Variants in PTPRD observed in about 807,000 individuals in gnomAD.
The protein encoded by PTPRD is receptor-type tyrosine-protein phosphatase delta.
A neutral mutation model predicts 214.5 loss-of-function variants in PTPRD; 34 were observed. The observed-to-expected ratio is 0.16, with a 90% CI of 0.12 to 0.21. The LOEUF (loss-of-function observed/expected upper bound fraction) is 0.21, where lower values mean the gene tolerates loss of function less well. PTPRD is among the 10% of genes least tolerant of loss of function. The pLI, the probability that PTPRD is intolerant of heterozygous loss-of-function variation, is 1.00. For missense variants in PTPRD, 2,545 were observed against 2,398.7 expected (o/e 1.06, Z -1.27); for synonymous variants, 1,128 against 845.7 (o/e 1.33, Z -5.79).
chr9:10,335,178 C>T (rs1206500642), intron 3 of PTPRD, among the ~76,000 whole-genome samples: 3 of 151,606 alleles, frequency 2.0e-5, no homozygotes, highest in Non-Finnish European at 1.5e-5. Flanking sequence ...ACTACCTGAC[C>T]TCAAGACTTA....
At chr9:10,069,820 T>C (rs2097961804) in intron 3 of PTPRD, among the ~76,000 whole-genome samples, 1 of 152,046 alleles carries the variant, frequency 6.6e-6, no homozygotes. Flanking sequence ...TGTTGACATG[T>C]TTCTGTATCT....
chr9:9,864,432 G>C (rs1048061303), intron 5 of PTPRD, among the ~76,000 whole-genome samples: 2 of 152,128 alleles, frequency 1.3e-5, no homozygotes, highest in Non-Finnish European at 2.9e-5. Context: ...GTGTGACATA[G>C]ATTCCGTGGT....
intron 43 of PTPRD, among the ~76,000 whole-genome samples, chr9:8,337,198 C>G (rs972748787): frequency 1.3e-5 from 2 of 152,116 alleles, no homozygotes; most frequent in Non-Finnish European, 2.9e-5. Context: ...GTAACCAACC[C>G]AAATGTCCAT....
At chr9:8,797,472 C>T (rs2096462937) in intron 11 of PTPRD, among the ~76,000 whole-genome samples, 1 of 152,154 alleles carries the variant, frequency 6.6e-6, no homozygotes, top group African/African-American at 2.4e-5. Flanking sequence ...GATGTCTAAG[C>T]GATATATGAT....
At chr9:8,797,869 A>ATTT (rs35912143) in intron 11 of PTPRD, among the ~76,000 whole-genome samples, 45 of 147,046 alleles carry the variant, frequency 3.1e-4, no homozygotes, top group East Asian at 8.0e-4. Context: ...ATTTAACAGA[A>ATTT]TTTTTTTTTT....
chr9:9,682,950 G>A (rs770765118), intron 7 of PTPRD, among the ~76,000 whole-genome samples: 4 of 151,702 alleles, frequency 2.6e-5, no homozygotes. Context: ...TTTAACTGAT[G>A]AACAAGATAT....
At chr9:10,060,413 G>T (rs1778516) in intron 3 of PTPRD, among the ~76,000 whole-genome samples, 25,097 of 151,914 alleles carry the variant, frequency 0.17, 4,656 homozygotes, top group African/African-American at 0.46. Context: ...CCTACTCAAA[G>T]TGTCATTACT....
intron 3 of PTPRD, among the ~76,000 whole-genome samples, chr9:10,263,629 A>T (rs1322007999): frequency 1.3e-5 from 2 of 152,186 alleles, no homozygotes; most frequent in East Asian, 3.9e-4. Context: ...AGTGTTCAAG[A>T]GGAAGCAAAA....
chr9:8,383,877 A>C (rs556105720), intron 37 of PTPRD, among the ~76,000 whole-genome samples: 3 of 152,218 alleles, frequency 2.0e-5, no homozygotes, highest in Non-Finnish European at 4.4e-5. Context: ...AGTAAAAGTC[A>C]GATATATTCT....
intron 4 of PTPRD, among the ~76,000 whole-genome samples, chr9:10,009,695 A>T (rs2096557641): frequency 9.4e-6 from 1 of 105,938 alleles, no homozygotes; most frequent in South Asian, 3.4e-4. Flanking sequence ...TGGAAAGGGA[A>T]GGGGATTTAC....
At chr9:8,598,997 G>T (rs2094637467) in intron 14 of PTPRD, among the ~76,000 whole-genome samples, 1 of 152,158 alleles carries the variant, frequency 6.6e-6, no homozygotes, top group Non-Finnish European at 1.5e-5. Context: ...ATCTCACCTT[G>T]AATTGTAGCT....
chr9:8,331,728 C>A lies in PTPRD; in HGVS notation c.5388G>T (p.Gln1796His). The A allele has an allele frequency of 1.9e-6, 3 of 1,594,154 alleles. No individual in the cohort carries two copies. The highest frequency in any genetic ancestry group is 2.3e-5 in the East Asian group (1 of 44,246). ...ACTGGAACTGCCTTACTGTTCGGGA[C>A]TGGCCGTCCTTTAGAAGGAAAGCCA... ...EFKVTDARDG[Q>H]SRTVRQFQFT... is the part of the protein sequence containing the mutation. The change falls in exon 44 of 46, where the codon CAG (glutamine) becomes CAT (histidine). Residue 1796 changes from glutamine to histidine, a missense_variant. Coordinates refer to ENST00000381196, the MANE Select transcript of PTPRD (RefSeq NM_002839.4).
chr9:9,554,014 C>T (rs1159158191), intron 8 of PTPRD, among the ~76,000 whole-genome samples: 1 of 152,024 alleles, frequency 6.6e-6, no homozygotes, highest in Non-Finnish European at 1.5e-5. Flanking sequence ...GGGAACATGA[C>T]ATCTGAGAAT....
intron 4 of PTPRD, among the ~76,000 whole-genome samples, chr9:10,003,408 T>G (rs1253219964): frequency 1.3e-5 from 2 of 151,680 alleles, no homozygotes; most frequent in Admixed American, 6.6e-5. Context: ...TAATTTGAAG[T>G]TGGGGGATAT....
At chr9:8,838,367 A>G (rs2154531947) in intron 11 of PTPRD, among the ~76,000 whole-genome samples, 1 of 152,290 alleles carries the variant, frequency 6.6e-6, no homozygotes, top group East Asian at 1.9e-4. Context: ...CTTATACCAC[A>G]ACCATATATC....
At chr9:10,283,458 A>C (rs1565013583) in intron 3 of PTPRD, among the ~76,000 whole-genome samples, 1 of 152,216 alleles carries the variant, frequency 6.6e-6, no homozygotes, top group Non-Finnish European at 1.5e-5. Flanking sequence ...TGAGTAAGTT[A>C]ACTAAAGATT....
At chr9:9,208,176 G>A (rs558268468) in intron 9 of PTPRD, among the ~76,000 whole-genome samples, 85 of 151,492 alleles carry the variant, frequency 5.6e-4, no homozygotes, top group African/African-American at 2.0e-3. Context: ...CACCACGCCC[G>A]GCTAATTTTT....
chr9:10,038,544 T>A (rs544680747), intron 3 of PTPRD, among the ~76,000 whole-genome samples: 9 of 152,240 alleles, frequency 5.9e-5, no homozygotes, highest in African/African-American at 2.2e-4. Flanking sequence ...CAACCTCATA[T>A]TGGAGATACT....
At chr9:8,775,594 T>A (rs2095439230) in intron 11 of PTPRD, among the ~76,000 whole-genome samples, 1 of 152,214 alleles carries the variant, frequency 6.6e-6, no homozygotes, top group Non-Finnish European at 1.5e-5. Context: ...TAATTTCAAC[T>A]TTTATTTTAG....
Sources: allele counts gnomAD v4.1 joint callset (sites outside exome capture counted in the v4.1 genomes callset), GRCh38; gene constraint gnomAD v4.1.1; transcripts MANE v1.5; gene names NCBI Gene and HGNC (gene_info 2026-07-23, HGNC 2026-07-21).